The following ANXA11 variants were observed in gnomAD, a reference collection of about 807,000 sequenced individuals.
ANXA11 encodes 56 kDa autoantigen.
ANXA11 carries 57 observed loss-of-function variants against 64.7 expected under a neutral mutation model. That is an observed-to-expected ratio of 0.88 (90% confidence interval 0.71 to 1.10). The LOEUF (loss-of-function observed/expected upper bound fraction) is 1.10. Among genes scored for constraint, ANXA11 ranks in the 50% least tolerant of loss-of-function variants. ANXA11 has a pLI of 0.00. For missense variants in ANXA11, 675 were observed against 670.7 expected, an observed-to-expected ratio of 1.01 and a Z score of -0.07; for synonymous variants, 260 against 265.2, an observed-to-expected ratio of 0.98 and a Z score of 0.19.
rs1162651606 is a variant in ANXA11 at position 80,184,246 on chromosome 10, C to T, written c.-57-8091G>A. On this transcript the variant is annotated intron_variant, in intron 1 of 15. Coordinates refer to ENST00000422982, the MANE Select transcript of ANXA11 (RefSeq NM_145868.2). ...TAGGAACTTTAAATATAAATACATACAGATGCTCCTTGACTTATGATAGGG... is the reference window on the plus strand; with the variant it reads ...TAGGAACTTTAAATATAAATACATATAGATGCTCCTTGACTTATGATAGGG... Among the ~76,000 whole-genome samples, 5 of 152,130 alleles carry T rather than the reference C, an allele frequency of 3.3e-5. No homozygotes were observed. The East Asian group carries it at 9.6e-4, about 29-fold the overall frequency.
chr10:80,159,064 C>T (rs750474311), intron 13 of ANXA11, 36 bp downstream of exon 13: 1 of 1,519,094 alleles, frequency 6.6e-7, no homozygotes, highest in Non-Finnish European at 9.1e-7. Flanking sequence ...TACACGTTAG[C>T]CCCTGGCAGG....
chr10:80,176,981 CT>C (rs10699670), intron 1 of ANXA11, among the ~76,000 whole-genome samples: 2,669 of 140,148 alleles, frequency 0.019, 72 homozygotes, highest in African/African-American at 0.061. Context: ...CTGCTCCCCA[CT>C]TTTTTTTTTT....
In ANXA11 at chr10:80,169,007, C is replaced by A. The variant is rs754594235; in HGVS notation, c.523G>T (p.Gly175Trp). The A allele has an allele frequency of 3.2e-6, 5 of 1,546,848 alleles. No individual in the cohort carries two copies. The highest frequency in any genetic ancestry group is 4.3e-6 in the Non-Finnish European group (5 of 1,152,354). Residue 175 changes from glycine to tryptophan, a missense_variant, in exon 5 of 16, where the codon GGG (glycine) becomes TGG (tryptophan). Coordinates refer to ENST00000422982, the MANE Select transcript of ANXA11 (RefSeq NM_145868.2). ...ACAGCGGGGGTGACAGTCCCAGACC[C>A]CGGGTATCCTGGGTAGCTCGGCACT... The part of the protein sequence containing the change: ...QPVPSYPGYP[G>W]SGTVTPAVPP...
chr10:80,157,647 G>A lies in ANXA11; in HGVS notation c.1452C>T (p.Asp484=). The A allele has an allele frequency of 6.2e-7, 1 of 1,613,482 alleles. No individual in the cohort carries two copies. The part of the protein sequence containing the change: ...KRMYGKSLYH[D]ISGDTSGDYR... ...GCCTGCAGCAGGCCCGTACCGAGATGTCGTGGTACAGCGACTTGCCGTACA... is the reference window on the plus strand; with the variant it reads ...GCCTGCAGCAGGCCCGTACCGAGATATCGTGGTACAGCGACTTGCCGTACA... The change falls in exon 15 of 16, where the codon GAC becomes GAT. Residue 484 remains aspartate, a synonymous_variant. Transcript: ENST00000422982.
Position 80,163,422 on chromosome 10 carries a change from G to C in ANXA11, c.1030-17C>G. 1 of 1,614,126 alleles carries C rather than the reference G, an allele frequency of 6.2e-7. No individual in the cohort carries two copies. Among genetic ancestry groups the C allele is most frequent in the Non-Finnish European group, 8.5e-7 (1 of 1,180,040 alleles). On this transcript the variant is annotated splice_polypyrimidine_tract_variant and intron_variant, in intron 10 of 15. Coordinates refer to ENST00000422982, the MANE Select transcript of ANXA11 (RefSeq NM_145868.2). ...ACGGTTTCCCTGAAAGGAAGCAGGT[G>C]TATGGTCATGCCCACTCCTTCCCCA...
Position 80,161,989 on chromosome 10 carries a change from C to T in ANXA11, c.1126G>A (p.Glu376Lys), listed in dbSNP as rs147829571. 7 of 1,612,452 alleles carry T rather than the reference C, an allele frequency of 4.3e-6. No individual in the cohort carries two copies. The African/African-American group carries it at 6.7e-5, about 15-fold the overall frequency. The change falls in exon 12 of 16, where the codon GAG becomes AAG. Residue 376 changes from glutamate (E) to lysine (K), a missense_variant. By Grantham distance (56) the Glu-to-Lys change is moderately conservative. Transcript: ENST00000422982. ...CACAGAACCGCATTGAACTTGGACT[C>T]GTCTGTTCCCAGGCGGTTCTCCCCG... Reference protein sequence around the residue: ...AAGENRLGTDESKFNAVLCSR... With the variant: ...AAGENRLGTDKSKFNAVLCSR...
Position 80,154,792 on chromosome 10 carries a change from CCCG to C in ANXA11, c.*1058_*1060del, listed in dbSNP as rs1343523631. The C allele has an allele frequency of 6.6e-6, 1 of 152,270 alleles. No individual in the cohort carries two copies. The highest frequency in any genetic ancestry group is 1.5e-5 in the Non-Finnish European group (1 of 68,134). 9.4% of individuals were successfully genotyped at this position (152,270 alleles called of 1,614,324 possible). A position where few individuals can be genotyped will look rare whatever the true frequency, so the allele number is the denominator to read the frequency against. Reference sequence around the variant, plus strand: ...GTTGTCCCCATCCTTCTCTCTGGCCCCCGCCGAGGGGCACCAGGAATTAGCACA... The same window carrying C: ...GTTGTCCCCATCCTTCTCTCTGGCCCCCGAGGGGCACCAGGAATTAGCACA... On this transcript the variant is annotated 3_prime_UTR_variant, in exon 16 of 16. Coordinates refer to ENST00000422982, the MANE Select transcript of ANXA11 (RefSeq NM_145868.2).
intron 3 of ANXA11, chr10:80,171,674 T>A (rs1037128865): frequency 1.0e-6 from 1 of 985,390 alleles, no homozygotes; most frequent in Non-Finnish European, 1.2e-6. Flanking sequence ...TCTGGCCTGT[T>A]AGATGCTTTC....
rs1161433938 is a variant in ANXA11, at chr10:80,169,048, G to A, written c.482C>T (p.Pro161Leu). 6.5e-7 allele frequency: 1 copy of A among 1,543,554 alleles called. No individual in the cohort carries two copies. ...TYPGQPPVPLPGQQQPVPSYP... is the reference protein window; with the variant it reads ...TYPGQPPVPLLGQQQPVPSYP... ...GCTCGGCACTGGCTGCTGCTGCCCA[G>A]GGAGTGGCACTGGAGGCTGACCAGG... The change falls in exon 5 of 16, where the codon CCT becomes CTT. Residue 161 changes from proline (P) to leucine (L), a missense_variant. Coordinates refer to ENST00000422982, the MANE Select transcript of ANXA11 (RefSeq NM_145868.2).
intron 1 of ANXA11, among the ~76,000 whole-genome samples, chr10:80,190,776 C>A (rs186871273): frequency 6.8e-6 from 1 of 147,848 alleles, no homozygotes; most frequent in Non-Finnish European, 1.5e-5. Context: ...TGAGCCACCA[C>A]GCCTGGCCAA....
chr10:80,173,770 C>T (rs911960163), intron 2 of ANXA11, among the ~76,000 whole-genome samples: 9 of 152,214 alleles, frequency 5.9e-5, no homozygotes, highest in African/African-American at 2.2e-4. Context: ...CCTGCAGGGT[C>T]CCTCAACAAT....
chr10:80,180,153 A>C (rs1293483406), intron 1 of ANXA11, among the ~76,000 whole-genome samples: 2 of 152,202 alleles, frequency 1.3e-5, no homozygotes, highest in Non-Finnish European at 2.9e-5. Flanking sequence ...TAACACAGGA[A>C]TCTAGAAATG....
chr10:80,201,818 T>G (rs181898008), intron 1 of ANXA11, among the ~76,000 whole-genome samples: 118 of 152,294 alleles, frequency 7.7e-4, no homozygotes, highest in Non-Finnish European at 1.3e-3. Context: ...AGGCTGGATA[T>G]GCCATATGCT....
rs147618402 is a variant in ANXA11, at chr10:80,184,537, T to A, written c.-57-8382A>T. ...TTGAGTCAGGGACCGTGTGTGTGTG[T>A]GAGAGAGAGACAGAGAGTGTGTTTA... On this transcript the variant is annotated intron_variant, in intron 1 of 15. Transcript: ENST00000422982. Among the ~76,000 whole-genome samples, 1,320 of 152,084 alleles carry A rather than the reference T, an allele frequency of 8.7e-3. 7 individuals are homozygous for A. Among genetic ancestry groups the A allele is most frequent in the Non-Finnish European group, 0.012 (808 of 67,978 alleles).
chr10:80,199,560 C>A (rs558227494), intron 1 of ANXA11, among the ~76,000 whole-genome samples: 27 of 152,200 alleles, frequency 1.8e-4, no homozygotes, highest in African/African-American at 6.5e-4. Flanking sequence ...AATCCCAGCA[C>A]TTTGGGAAGC....
Position 80,169,142 on chromosome 10 carries a change from C to A in ANXA11, c.388G>T (p.Gly130Cys). The A allele has an allele frequency of 4.5e-6, 7 of 1,555,150 alleles. No homozygotes were observed. Among genetic ancestry groups the A allele is most frequent in the Non-Finnish European group, 6.1e-6 (7 of 1,155,838 alleles). ...TGTCCGGGGGGTGGCATGGGCTGGC[C>A]CGGCACAGGGGCCCCTGGGTATGGC... The part of the protein sequence containing the change: ...YPPYPGAPVP[G>C]QPMPPPGQQP... The change falls in exon 5 of 16, where the codon GGC (glycine) becomes TGC (cysteine). Residue 130 changes from glycine to cysteine, a missense_variant. By Grantham distance (159) the Gly-to-Cys change is radical. Transcript: ENST00000422982.
intron 3 of ANXA11, among the ~76,000 whole-genome samples, chr10:80,172,110 G>A (rs990900976): frequency 5.9e-5 from 9 of 152,174 alleles, no homozygotes; most frequent in African/African-American, 1.4e-4. Flanking sequence ...GCACCCTCAG[G>A]ATGACCAGCC....
At chr10:80,179,692 T>C (rs895954639) in intron 1 of ANXA11, among the ~76,000 whole-genome samples, 1 of 152,194 alleles carries the variant, frequency 6.6e-6, no homozygotes, top group African/African-American at 2.4e-5. Context: ...AGCCATTCCA[T>C]GGCCATACAG....
chr10:80,179,702 G>A (rs1471009477), intron 1 of ANXA11, among the ~76,000 whole-genome samples: 3 of 152,194 alleles, frequency 2.0e-5, no homozygotes, highest in Non-Finnish European at 2.9e-5. Flanking sequence ...TGGCCATACA[G>A]GAGATCAAGG....
Sources: gnomAD v4.1 joint callset for allele counts (sites outside exome capture counted in the v4.1 genomes callset) on GRCh38, gnomAD v4.1.1 for gene constraint, MANE v1.5 for transcripts, NCBI Gene and HGNC (gene_info 2026-07-23, HGNC 2026-07-21) for gene names.